SYT1: variants seen among roughly 807,000 people sequenced by gnomAD.
SYT1 encodes synaptotagmin 1, also known as synaptotagmin-1.
Under a neutral mutation model 44.8 loss-of-function variants are expected in SYT1, and 8 were observed. That is an observed-to-expected ratio of 0.18 (90% CI 0.10 to 0.32). The LOEUF (loss-of-function observed/expected upper bound fraction) is 0.32. Ranked by LOEUF, SYT1 falls within the 10% of genes least tolerant of loss-of-function variation. The pLI is 1.00. For synonymous variants in SYT1, 154 were observed against 188.8 expected (o/e 0.82, Z 1.51); for missense variants, 286 against 509.3 (o/e 0.56, Z 4.22).
intron 9 of SYT1, among the ~76,000 whole-genome samples, chr12:79,443,699 C>T (rs1045522376): frequency 1.3e-5 from 2 of 152,104 alleles, no homozygotes; most frequent in African/African-American, 2.4e-5. Context: ...CAAGAGTGAA[C>T]GGTTAATTTT....
chr12:79,389,956 G>A (rs1028335731), intron 9 of SYT1, among the ~76,000 whole-genome samples: 7 of 149,758 alleles, frequency 4.7e-5, no homozygotes, highest in Non-Finnish European at 7.4e-5. Flanking sequence ...TTTTTGAGAC[G>A]GAGTCTTGCT....
At chr12:78,932,326 G>A (rs987742291) in intron 1 of SYT1, among the ~76,000 whole-genome samples, 1 of 152,128 alleles carries the variant, frequency 6.6e-6, no homozygotes, top group Non-Finnish European at 1.5e-5. Flanking sequence ...CTGCCTTAAT[G>A]CTTTCTGTGC....
At chr12:78,907,268 C>T (rs2137115873) in intron 1 of SYT1, among the ~76,000 whole-genome samples, 1 of 152,022 alleles carries the variant, frequency 6.6e-6, no homozygotes, top group Non-Finnish European at 1.5e-5. Flanking sequence ...TTCTTTCTGT[C>T]AAAATAGGAT....
At chr12:79,005,181 A>T (rs977752977) in intron 2 of SYT1, among the ~76,000 whole-genome samples, 2 of 152,038 alleles carry the variant, frequency 1.3e-5, no homozygotes, top group Admixed American at 6.6e-5. Context: ...TGCATCCAAC[A>T]TGTGTTATAG....
chr12:79,227,465 A>G (rs1298696541), intron 4 of SYT1, among the ~76,000 whole-genome samples: 1 of 152,178 alleles, frequency 6.6e-6, no homozygotes, highest in African/African-American at 2.4e-5. Flanking sequence ...AGTAGAGTGC[A>G]CCTTTCTTTA....
intron 4 of SYT1, among the ~76,000 whole-genome samples, chr12:79,227,526 G>C (rs1340126539): frequency 2.0e-5 from 3 of 152,132 alleles, no homozygotes; most frequent in Non-Finnish European, 4.4e-5. Context: ...TCCAGAATAA[G>C]AGCAAGTGGA....
intron 8 of SYT1, among the ~76,000 whole-genome samples, chr12:79,351,198 A>G (rs1294876095): frequency 6.6e-6 from 1 of 152,202 alleles, no homozygotes; most frequent in Non-Finnish European, 1.5e-5. Flanking sequence ...TACAAGTAAC[A>G]TCACAGATTT....
intron 3 of SYT1, among the ~76,000 whole-genome samples, chr12:79,155,773 C>G (rs1289403051): frequency 6.6e-6 from 1 of 152,180 alleles, no homozygotes; most frequent in East Asian, 1.9e-4. Context: ...AGTGATGACT[C>G]CATTTCAGAA....
At chr12:79,262,030 G>T (rs1877856864) in intron 4 of SYT1, among the ~76,000 whole-genome samples, 1 of 152,060 alleles carries the variant, frequency 6.6e-6, no homozygotes, top group African/African-American at 2.4e-5. Context: ...TGCTCTATGA[G>T]ATCAATAAAT....
At chr12:79,443,617 C>A (rs1870549937) in intron 9 of SYT1, among the ~76,000 whole-genome samples, 1 of 152,176 alleles carries the variant, frequency 6.6e-6, no homozygotes, top group Non-Finnish European at 1.5e-5. Flanking sequence ...GAAATGGCTC[C>A]TTTGTCCTCT....
intron 1 of SYT1, among the ~76,000 whole-genome samples, chr12:78,884,837 T>C (rs1874646224): frequency 6.6e-6 from 1 of 151,808 alleles, no homozygotes; most frequent in Non-Finnish European, 1.5e-5. Context: ...TCTGAAGAAA[T>C]ATGAAGTTTT....
intron 2 of SYT1, among the ~76,000 whole-genome samples, chr12:79,022,041 A>C (rs1238338328): frequency 6.6e-6 from 1 of 151,746 alleles, no homozygotes; most frequent in South Asian, 2.1e-4. Context: ...CTAAGTTCAC[A>C]AATCAATGTC....
At chr12:78,899,550 ATCTAC>A (rs1429858435) in intron 1 of SYT1, among the ~76,000 whole-genome samples, 2 of 152,116 alleles carry the variant, frequency 1.3e-5, no homozygotes, top group Non-Finnish European at 2.9e-5. Flanking sequence ...GAGAAATACA[ATCTAC>A]TCTATTTAAA....
At chr12:79,377,037 T>C (rs1186067017) in intron 9 of SYT1, among the ~76,000 whole-genome samples, 1 of 152,256 alleles carries the variant, frequency 6.6e-6, no homozygotes, top group Non-Finnish European at 1.5e-5. Flanking sequence ...AAGTATCTAT[T>C]GAATGCTTAC....
At chr12:79,283,840 T>G (rs1879172023) in intron 4 of SYT1, among the ~76,000 whole-genome samples, 1 of 151,710 alleles carries the variant, frequency 6.6e-6, no homozygotes, top group African/African-American at 2.4e-5. Flanking sequence ...GAAAACACAA[T>G]TTCAAAAGTT....
chr12:79,245,202 A>AG (rs1876750949), intron 4 of SYT1, among the ~76,000 whole-genome samples: 5 of 151,310 alleles, frequency 3.3e-5, no homozygotes. Flanking sequence ...GCGGTGGCTC[A>AG]CGCCTGTAAT....
chr12:79,028,333 G>T (rs747877814), intron 2 of SYT1, among the ~76,000 whole-genome samples: 4 of 151,332 alleles, frequency 2.6e-5, no homozygotes, highest in Non-Finnish European at 5.9e-5. Context: ...AATTTTAAGT[G>T]TAAATGCTGC....
intron 2 of SYT1, among the ~76,000 whole-genome samples, chr12:79,004,449 T>G (rs982432499): frequency 1.3e-5 from 2 of 152,016 alleles, no homozygotes; most frequent in Non-Finnish European, 2.9e-5. Flanking sequence ...TATCGTTTTC[T>G]TTAGTTGCAT....
chr12:79,191,200 G>T (rs1873100902), intron 3 of SYT1, among the ~76,000 whole-genome samples: 1 of 151,784 alleles, frequency 6.6e-6, no homozygotes, highest in Admixed American at 6.6e-5. Context: ...ATTGGTCACA[G>T]GTTCATTCAA....
Sources: gnomAD v4.1 joint callset for allele counts (sites outside exome capture counted in the v4.1 genomes callset) on GRCh38, gnomAD v4.1.1 for gene constraint, MANE v1.5 for transcripts, NCBI Gene and HGNC (gene_info 2026-07-23, HGNC 2026-07-21) for gene names.